The following SEMA3A variants were observed in gnomAD, a reference collection of about 807,000 sequenced individuals.
SEMA3A encodes the protein semaphorin-3A.
In SEMA3A, 29 loss-of-function variants were observed where a neutral mutation model predicts 97.9. The observed-to-expected ratio is 0.30, with a 90% CI of 0.22 to 0.40. SEMA3A has a LOEUF of 0.40. Among genes scored for constraint, SEMA3A ranks in the 10% least tolerant of loss-of-function variants. SEMA3A has a pLI of 1.00. For missense variants in SEMA3A, 763 were observed against 951.3 expected, an observed-to-expected ratio of 0.80 and a Z score of 2.60; for synonymous variants, 321 against 323.7, an observed-to-expected ratio of 0.99 and a Z score of 0.09.
At chr7:84,489,987 T>C (rs1584360486) in intron 1 of SEMA3A, among the ~76,000 whole-genome samples, 1 of 151,960 alleles carries the variant, frequency 6.6e-6, no homozygotes, top group East Asian at 1.9e-4. Context: ...TATTCTTTAA[T>C]TACTTATATT....
At chr7:84,345,585 A>G (rs1436021991) in intron 2 of SEMA3A, among the ~76,000 whole-genome samples, 1 of 152,212 alleles carries the variant, frequency 6.6e-6, no homozygotes, top group Non-Finnish European at 1.5e-5. Context: ...TTTTACAATG[A>G]TCACAGCATT....
At chr7:84,180,551 G>A (rs183458959) in intron 1 of SEMA3A, among the ~76,000 whole-genome samples, 29 of 151,992 alleles carry the variant, frequency 1.9e-4, no homozygotes, top group African/African-American at 6.8e-4. Context: ...AGCTGGGTGC[G>A]GTGGCACACG....
intron 1 of SEMA3A, among the ~76,000 whole-genome samples, chr7:84,436,109 G>T (rs1291194787): frequency 6.6e-6 from 1 of 152,092 alleles, no homozygotes; most frequent in Non-Finnish European, 1.5e-5. Flanking sequence ...AAATGGTGTT[G>T]GGATAACTGG....
intron 6 of SEMA3A, among the ~76,000 whole-genome samples, chr7:84,040,879 T>G (rs6952231): frequency 0.3 from 45,556 of 151,924 alleles, 7,691 homozygotes; most frequent in East Asian, 0.61. Context: ...ATTGTCTCAT[T>G]TTTTGATCAA....
chr7:84,323,310 C>G (rs1317582989), intron 2 of SEMA3A, among the ~76,000 whole-genome samples: 1 of 152,114 alleles, frequency 6.6e-6, no homozygotes, highest in Non-Finnish European at 1.5e-5. Flanking sequence ...ATGCAATTCA[C>G]TGTGGTAGGG....
rs142378224 is a variant in SEMA3A, at chr7:84,135,006, T to C, written c.113-55A>G. ...ATTAATGTGAAGCACTATATAAGCATAGACTGTTGGTACATGGTAACCTGA... is the reference window on the plus strand; with the variant it reads ...ATTAATGTGAAGCACTATATAAGCACAGACTGTTGGTACATGGTAACCTGA... On this transcript the variant is annotated intron_variant, in intron 1 of 16. Coordinates refer to ENST00000265362, the MANE Select transcript of SEMA3A (RefSeq NM_006080.3). 6 of 1,452,672 alleles carry C rather than the reference T, an allele frequency of 4.1e-6. No individual in the cohort carries two copies. In the African/African-American group the frequency reaches 5.6e-5, roughly 14 times the overall value. The allele number at this position is 1,452,672 out of a possible 1,614,324, so 90.0% of individuals were successfully genotyped here.
In SEMA3A at chr7:84,366,460, A is replaced by G. The variant is rs142300273; in HGVS notation, c.-169+5364T>C. Among the ~76,000 whole-genome samples the G allele has an allele frequency of 2.7e-3, 404 of 151,294 alleles. 1 individual carries two copies. Among genetic ancestry groups the G allele is most frequent in the African/African-American group, 9.3e-3 (386 of 41,490 alleles). Reference sequence around the variant, plus strand: ...AATGATGATGACATGATCAGTATTCATTTACTAAAACAGTAAATTACTCCT... The same window carrying G: ...AATGATGATGACATGATCAGTATTCGTTTACTAAAACAGTAAATTACTCCT... On this transcript the variant is annotated intron_variant, in intron 2 of 3. Transcript: ENST00000424555.
intron 1 of SEMA3A, among the ~76,000 whole-genome samples, chr7:84,141,672 C>A (rs1267318903): frequency 6.6e-6 from 1 of 152,124 alleles, no homozygotes; most frequent in Non-Finnish European, 1.5e-5. Flanking sequence ...CCACCCTCCA[C>A]CCTCCAGTAA....
At chr7:84,135,027 C>A (rs140569808) in intron 1 of SEMA3A, 76 bp from the exon 2 acceptor site, 22 of 1,193,468 alleles carry the variant, frequency 1.8e-5, no homozygotes, top group Non-Finnish European at 2.4e-5. Flanking sequence ...TACATGGTAA[C>A]CTGACTATAT....
rs894274249 is a variant in SEMA3A, at chr7:83,973,384, G to GT, written c.1717+3747dup. ...TCTAGTAGACTGACCATCTTCAGCA[G>GT]TTTTTTTTTTCTTAAAAGTACATAA... On this transcript the variant is annotated intron_variant, in intron 15 of 16. Transcript: ENST00000265362. 3.9e-4 allele frequency among the ~76,000 whole-genome samples: 58 copies of GT among 147,916 alleles called. No homozygotes were observed. The Middle Eastern group carries it at 0.01, about 27-fold the overall frequency.
At chr7:83,974,884 G>T (rs1293209699) in intron 15 of SEMA3A, among the ~76,000 whole-genome samples, 1 of 151,958 alleles carries the variant, frequency 6.6e-6, no homozygotes, top group Non-Finnish European at 1.5e-5. Flanking sequence ...CAAACATCTA[G>T]AGTTGTTTAC....
intron 1 of SEMA3A, among the ~76,000 whole-genome samples, chr7:84,441,258 A>G (rs533442933): frequency 6.6e-6 from 1 of 152,076 alleles, no homozygotes; most frequent in African/African-American, 2.4e-5. Flanking sequence ...CAACAGATCT[A>G]TCTTAAGTAT....
intron 3 of SEMA3A, among the ~76,000 whole-genome samples, chr7:84,123,796 A>C (rs1795707308): frequency 6.7e-6 from 1 of 149,640 alleles, no homozygotes; most frequent in Non-Finnish European, 1.5e-5. Flanking sequence ...TTATATATAT[A>C]TATTTATCTG....
chr7:84,254,184 GACA>G (rs1004396209), intron 3 of SEMA3A, among the ~76,000 whole-genome samples: 1 of 152,152 alleles, frequency 6.6e-6, no homozygotes, highest in Non-Finnish European at 1.5e-5. Flanking sequence ...TTCTCATGAT[GACA>G]ACAAGGGCCA....
At chr7:84,283,695 A>C (rs1318491429) in intron 3 of SEMA3A, among the ~76,000 whole-genome samples, 1 of 152,136 alleles carries the variant, frequency 6.6e-6, no homozygotes, top group Non-Finnish European at 1.5e-5. Context: ...GTTAAACATA[A>C]TAATAAATAA....
chr7:83,972,997 C>T (rs1020794574), intron 15 of SEMA3A, among the ~76,000 whole-genome samples: 1 of 152,098 alleles, frequency 6.6e-6, no homozygotes, highest in Non-Finnish European at 1.5e-5. Flanking sequence ...CTTCTTTATA[C>T]TTTAATATCT....
chr7:84,043,143 C>T (rs760624695), intron 6 of SEMA3A, among the ~76,000 whole-genome samples: 6 of 151,794 alleles, frequency 4.0e-5, no homozygotes, highest in Non-Finnish European at 7.4e-5. Flanking sequence ...TAGGGTTTAT[C>T]GTAACTAATG....
chr7:84,297,063 C>T (rs1301703180), intron 3 of SEMA3A, among the ~76,000 whole-genome samples: 2 of 152,154 alleles, frequency 1.3e-5, no homozygotes, highest in Admixed American at 6.5e-5. Context: ...CTGCAACATC[C>T]GCCTCCCAGG....
intron 3 of SEMA3A, among the ~76,000 whole-genome samples, chr7:84,305,595 T>C (rs1189334209): frequency 6.6e-6 from 1 of 152,004 alleles, no homozygotes; most frequent in Admixed American, 6.6e-5. Context: ...AAGTACTGGC[T>C]AGATCCCAAA....
Sources: allele counts gnomAD v4.1 joint callset (sites outside exome capture counted in the v4.1 genomes callset), GRCh38; gene constraint gnomAD v4.1.1; transcripts MANE v1.5; gene names NCBI Gene and HGNC (gene_info 2026-07-23, HGNC 2026-07-21).